CECR2: variants seen among roughly 807,000 people sequenced by gnomAD.
CECR2 encodes the protein CECR2 histone acetyl-lysine reader.
CECR2 carries 30 observed loss-of-function variants against 154.5 expected under a neutral mutation model. That is an observed-to-expected ratio of 0.19 (90% CI 0.15 to 0.26). CECR2 has a LOEUF of 0.26. CECR2 is among the 10% of genes least tolerant of loss of function. The pLI, the probability that CECR2 is intolerant of heterozygous loss-of-function variation, is 1.00. For synonymous variants in CECR2, 725 were observed against 683.7 expected (o/e 1.06, Z -0.94); for missense variants, 1,743 against 1,829.3 (o/e 0.95, Z 0.86).
At chr22:17,392,947 G>A (rs1158417244) in intron 1 of CECR2, among the ~76,000 whole-genome samples, 1 of 152,172 alleles carries the variant, frequency 6.6e-6, no homozygotes, top group African/African-American at 2.4e-5. Flanking sequence ...GGCTGAGGCA[G>A]GAGAATGGCT....
At chr22:17,447,874 G>GT (rs35094119) in intron 1 of CECR2, among the ~76,000 whole-genome samples, 2,278 of 122,782 alleles carry the variant, frequency 0.019, 40 homozygotes, top group African/African-American at 0.073. Context: ...CATTTCAAGT[G>GT]TTTTTTTTTT....
intron 1 of CECR2, among the ~76,000 whole-genome samples, chr22:17,421,869 A>AAC (rs1369263942): frequency 7.1e-6 from 1 of 140,446 alleles, no homozygotes; most frequent in Non-Finnish European, 1.5e-5. Context: ...AAACAAAAAA[A>AAC]ACTTTTTTTT....
At chr22:17,437,738 T>A (rs1040884929) in intron 1 of CECR2, among the ~76,000 whole-genome samples, 8 of 151,340 alleles carry the variant, frequency 5.3e-5, no homozygotes, top group South Asian at 2.1e-4. Context: ...TTAAAAAAAA[T>A]TTTAAAGTTT....
intron 10 of CECR2, among the ~76,000 whole-genome samples, chr22:17,537,992 C>CAA (rs1339847156): frequency 3.0e-5 from 3 of 99,566 alleles, no homozygotes; most frequent in Non-Finnish European, 4.3e-5. Flanking sequence ...AGACTCCGTC[C>CAA]AAAAAAAAAA....
At chr22:17,430,804 C>T (rs2054409701) in intron 1 of CECR2, among the ~76,000 whole-genome samples, 1 of 152,026 alleles carries the variant, frequency 6.6e-6, no homozygotes, top group African/African-American at 2.4e-5. Context: ...TCTCAAATGA[C>T]CCTGGAAAAC....
chr22:17,469,595 T>TTTG (rs1049137987), intron 1 of CECR2, among the ~76,000 whole-genome samples: 1 of 91,132 alleles, frequency 1.1e-5, no homozygotes, highest in African/African-American at 3.9e-5. Context: ...ATAACATTGT[T>TTTG]TTTTTTTTTT....
chr22:17,396,567 A>C (rs1321175065), intron 1 of CECR2, among the ~76,000 whole-genome samples: 1 of 151,972 alleles, frequency 6.6e-6, no homozygotes, highest in Non-Finnish European at 1.5e-5. Flanking sequence ...CAAACTGTGC[A>C]TCACTTTGTT....
chr22:17,501,699 A>C (rs1259102996), intron 5 of CECR2, among the ~76,000 whole-genome samples: 1 of 152,146 alleles, frequency 6.6e-6, no homozygotes, highest in East Asian at 1.9e-4. Flanking sequence ...GTAATTACTT[A>C]ACGTTTTATG....
At chr22:17,463,572 A>AT (rs1274986752) in intron 1 of CECR2, among the ~76,000 whole-genome samples, 4 of 152,090 alleles carry the variant, frequency 2.6e-5, no homozygotes, top group African/African-American at 9.7e-5. Context: ...GGATGCCTCA[A>AT]TTTTTTGCTG....
At chr22:17,460,467 C>T (rs1422784795) in intron 1 of CECR2, among the ~76,000 whole-genome samples, 2 of 152,224 alleles carry the variant, frequency 1.3e-5, no homozygotes, top group Non-Finnish European at 2.9e-5. Flanking sequence ...GTCTCGGCCT[C>T]CCAAAGTGCA....
chr22:17,539,898 A>T (rs775855029), intron 13 of CECR2, among the ~76,000 whole-genome samples: 11 of 152,160 alleles, frequency 7.2e-5, no homozygotes, highest in Non-Finnish European at 1.3e-4. Flanking sequence ...CAGTAGGGCA[A>T]ACATGGCTCA....
At chr22:17,534,117 T>C (rs2056401136) in intron 9 of CECR2, among the ~76,000 whole-genome samples, 1 of 152,080 alleles carries the variant, frequency 6.6e-6, no homozygotes, top group South Asian at 2.1e-4. Flanking sequence ...GGTATTGGCA[T>C]AGAGATAGAC....
At chr22:17,445,044 T>G (rs2054638035) in intron 1 of CECR2, among the ~76,000 whole-genome samples, 1 of 152,256 alleles carries the variant, frequency 6.6e-6, no homozygotes, top group Non-Finnish European at 1.5e-5. Context: ...TCTCTTTATT[T>G]TGCTACTTTT....
chr22:17,380,243 G>C (rs1464905231), intron 1 of CECR2, among the ~76,000 whole-genome samples: 3 of 152,174 alleles, frequency 2.0e-5, no homozygotes, highest in African/African-American at 7.2e-5. Context: ...CTCCTCTTTA[G>C]AGGGCAGATG....
At chr22:17,508,697 G>A (rs1462001634) in intron 7 of CECR2, among the ~76,000 whole-genome samples, 2 of 152,204 alleles carry the variant, frequency 1.3e-5, no homozygotes, top group East Asian at 1.9e-4. Flanking sequence ...TAGCCTAGCT[G>A]TGTAGTAGGC....
intron 1 of CECR2, among the ~76,000 whole-genome samples, chr22:17,406,713 C>T (rs1206193757): frequency 1.3e-5 from 2 of 152,170 alleles, no homozygotes; most frequent in East Asian, 3.8e-4. Flanking sequence ...GCTCTTTCTT[C>T]TAGCTGAAGA....
Position 17,443,781 on chromosome 22 carries a change from C to T in CECR2, c.127-33807C>T, listed in dbSNP as rs536232683. On this transcript the variant is annotated intron_variant, in intron 1 of 18. Transcript: ENST00000262608. ...TCTTTTTAGGTTACTTACCAGATTC[C>T]AGGAGGCATTGAGGGGTGTCAGCTC... is the stretch of plus-strand genomic sequence containing the variant. Among the ~76,000 whole-genome samples the T allele has an allele frequency of 2.6e-5, 4 of 152,158 alleles. No homozygotes were observed. The South Asian group carries it at 8.3e-4, about 32-fold the overall frequency.
intron 8 of CECR2, among the ~76,000 whole-genome samples, chr22:17,517,482 G>A (rs1278075391): frequency 6.6e-6 from 1 of 152,170 alleles, no homozygotes; most frequent in Non-Finnish European, 1.5e-5. Flanking sequence ...TATATATTAT[G>A]CCATCTTCGA....
chr22:17,454,843 A>G (rs1049444893), intron 1 of CECR2, among the ~76,000 whole-genome samples: 2 of 152,212 alleles, frequency 1.3e-5, no homozygotes, highest in African/African-American at 4.8e-5. Context: ...CCATAAAGAA[A>G]TAGCACTTGA....
Sources: gnomAD v4.1 joint callset for allele counts (sites outside exome capture counted in the v4.1 genomes callset) on GRCh38, gnomAD v4.1.1 for gene constraint, MANE v1.5 for transcripts, NCBI Gene and HGNC (gene_info 2026-07-23, HGNC 2026-07-21) for gene names.